The following CSMD1 variants were observed in gnomAD, a reference collection of about 807,000 sequenced individuals.
CSMD1 encodes CUB and sushi domain-containing protein 1.
Under a neutral mutation model 417.5 loss-of-function variants are expected in CSMD1, and 213 were observed. That is an observed-to-expected ratio of 0.51 (90% CI 0.46 to 0.57). The LOEUF (loss-of-function observed/expected upper bound fraction) is 0.57. CSMD1 is among the 20% of genes least tolerant of loss of function. The probability of loss-of-function intolerance (pLI) is 0.00; values close to 1 mark genes in which losing one functional copy is unlikely to be tolerated. For missense variants in CSMD1, 6,923 were observed against 4,529.7 expected, an observed-to-expected ratio of 1.53 and a Z score of -15.17; for synonymous variants, 2,862 against 1,736.8, an observed-to-expected ratio of 1.65 and a Z score of -16.11.
At position 3,205,623 on chromosome 8, in the gene CSMD1, GA is replaced by G; in HGVS notation, c.4868-4del. On this transcript the variant is annotated splice_region_variant and splice_polypyrimidine_tract_variant and intron_variant, in intron 30 of 69. Transcript: ENST00000635120. Reference sequence around the variant, plus strand: ...CGTGTACTGGCCTCCACAGGGAGCTGAAAATAAAATCAACCGAGAATTAGTC... The same window carrying G: ...CGTGTACTGGCCTCCACAGGGAGCTGAAATAAAATCAACCGAGAATTAGTC... 2.0e-6 allele frequency: 3 copies of G among 1,468,580 alleles called. No homozygotes were observed. Among genetic ancestry groups the G allele is most frequent in the Non-Finnish European group, 2.8e-6 (3 of 1,069,394 alleles). 91.0% of individuals were successfully genotyped at this position (1,468,580 alleles called of 1,614,324 possible). A position where few individuals can be genotyped will look rare whatever the true frequency, so the allele number is the denominator to read the frequency against.
intron 36 of CSMD1, chr8:3,183,019 A>C (rs555432242): frequency 6.7e-6 from 1 of 150,274 alleles, no homozygotes; most frequent in Non-Finnish European, 1.5e-5. Flanking sequence ...CAGCCTCCCA[A>C]AGTGCTGGCT....
chr8:4,982,034 A>C (rs569318197), intron 1 of CSMD1, among the ~76,000 whole-genome samples: 1 of 152,268 alleles, frequency 6.6e-6, no homozygotes, highest in South Asian at 2.1e-4. Flanking sequence ...CTACAACTGC[A>C]AGGAACTGAA....
chr8:3,940,476 G>T (rs549093446), intron 5 of CSMD1, among the ~76,000 whole-genome samples: 1 of 149,856 alleles, frequency 6.7e-6, no homozygotes, highest in South Asian at 2.1e-4. Flanking sequence ...AGTATATTCA[G>T]TAAAATTTAA....
intron 3 of CSMD1, among the ~76,000 whole-genome samples, chr8:4,214,006 G>C (rs1397231724): frequency 6.6e-6 from 1 of 152,178 alleles, no homozygotes; most frequent in Non-Finnish European, 1.5e-5. Flanking sequence ...AAGGGGCAAA[G>C]TTCTGACGAT....
intron 5 of CSMD1, among the ~76,000 whole-genome samples, chr8:3,786,832 G>C (rs1448531067): frequency 1.3e-5 from 2 of 152,086 alleles, no homozygotes; most frequent in African/African-American, 4.8e-5. Flanking sequence ...ATCTCTACTG[G>C]CTCTTGTTAT....
At chr8:4,073,865 T>C (rs1799686510) in intron 3 of CSMD1, among the ~76,000 whole-genome samples, 1 of 152,132 alleles carries the variant, frequency 6.6e-6, no homozygotes, top group Non-Finnish European at 1.5e-5. Flanking sequence ...TTAAATTCAG[T>C]AATATAGTCA....
At chr8:4,704,112 G>A (rs537474029) in intron 1 of CSMD1, among the ~76,000 whole-genome samples, 66 of 152,134 alleles carry the variant, frequency 4.3e-4, no homozygotes, top group South Asian at 8.3e-4. Flanking sequence ...TCTGATACAG[G>A]CCTTCATCCA....
intron 3 of CSMD1, among the ~76,000 whole-genome samples, chr8:4,305,941 G>A (rs1294562218): frequency 3.3e-5 from 5 of 152,088 alleles, no homozygotes; most frequent in African/African-American, 1.2e-4. Flanking sequence ...TTAATAAACT[G>A]TATTGCAGGG....
intron 41 of CSMD1, among the ~76,000 whole-genome samples, chr8:3,131,724 G>A (rs1002737939): frequency 6.6e-6 from 1 of 151,968 alleles, no homozygotes; most frequent in Non-Finnish European, 1.5e-5. Context: ...CACCCGCCTC[G>A]GCCTCCCAAA....
intron 18 of CSMD1, among the ~76,000 whole-genome samples, chr8:3,379,988 T>A (rs1343476153): frequency 6.6e-6 from 1 of 152,176 alleles, no homozygotes; most frequent in African/African-American, 2.4e-5. Flanking sequence ...TTTTGCAATC[T>A]ATCCATCTGA....
chr8:4,690,685 TGAATC>T lies in CSMD1; in HGVS notation c.86-53132_86-53128del, dbSNP rs552323657. On this transcript the variant is annotated intron_variant, in intron 1 of 69. Coordinates refer to ENST00000635120, the MANE Select transcript of CSMD1 (RefSeq NM_033225.6). Reference sequence around the variant, plus strand: ...AGCATTTCAGCAGGATTTTATGAATTGAATCATTATACTGCAGTTGTTTCACAGGG... The same window carrying T: ...AGCATTTCAGCAGGATTTTATGAATTATTATACTGCAGTTGTTTCACAGGG... Among the ~76,000 whole-genome samples the T allele has an allele frequency of 3.3e-3, 498 of 152,300 alleles. 2 individuals are homozygous for T. Among genetic ancestry groups the T allele is most frequent in the Middle Eastern group, 0.01 (3 of 294 alleles).
chr8:3,401,957 CTT>C (rs142931460), intron 15 of CSMD1, among the ~76,000 whole-genome samples: 4 of 147,314 alleles, frequency 2.7e-5, no homozygotes, highest in Admixed American at 6.8e-5. Context: ...TTCTTCTTTG[CTT>C]TTTTTTTTTG....
chr8:4,983,403 T>C (rs574635762), intron 1 of CSMD1, among the ~76,000 whole-genome samples: 49 of 152,362 alleles, frequency 3.2e-4, no homozygotes, highest in Non-Finnish European at 4.4e-4. Context: ...ACAGTGAATG[T>C]GTAAGAAACC....
intron 6 of CSMD1, among the ~76,000 whole-genome samples, chr8:3,738,842 G>C (rs80191099): frequency 0.019 from 2,821 of 152,194 alleles, 49 homozygotes; most frequent in Non-Finnish European, 0.024. Context: ...ATCTAAAATA[G>C]GCATCAATAA....
At chr8:4,447,336 A>T (rs548955952) in intron 2 of CSMD1, among the ~76,000 whole-genome samples, 1 of 152,338 alleles carries the variant, frequency 6.6e-6, no homozygotes, top group East Asian at 1.9e-4. Flanking sequence ...GAATGTGGTC[A>T]TTCAAAATGC....
At chr8:3,742,359 T>A (rs555237382) in intron 6 of CSMD1, among the ~76,000 whole-genome samples, 1 of 152,172 alleles carries the variant, frequency 6.6e-6, no homozygotes, top group African/African-American at 2.4e-5. Context: ...CAGTGGCGAA[T>A]CTGACCCGAA....
intron 4 of CSMD1, among the ~76,000 whole-genome samples, chr8:4,012,635 G>C (rs1333878347): frequency 2.0e-5 from 3 of 152,066 alleles, no homozygotes; most frequent in East Asian, 1.9e-4. Context: ...AGTTTTCAGA[G>C]TGTCCATCAG....
At chr8:4,638,770 G>A (rs1803004001) in intron 1 of CSMD1, among the ~76,000 whole-genome samples, 4 of 152,174 alleles carry the variant, frequency 2.6e-5, no homozygotes, top group Non-Finnish European at 5.9e-5. Context: ...GGATTGACAT[G>A]ACAATGGGAA....
At chr8:4,297,020 A>G (rs966865367) in intron 3 of CSMD1, among the ~76,000 whole-genome samples, 2 of 152,148 alleles carry the variant, frequency 1.3e-5, no homozygotes, top group African/African-American at 4.8e-5. Flanking sequence ...AAGTGCTGGG[A>G]AAGAGTAATG....
Sources: gnomAD v4.1 joint callset for allele counts (sites outside exome capture counted in the v4.1 genomes callset) on GRCh38, gnomAD v4.1.1 for gene constraint, MANE v1.5 for transcripts, NCBI Gene and HGNC (gene_info 2026-07-23, HGNC 2026-07-21) for gene names.